TBC1D31: variants seen among roughly 807,000 people sequenced by gnomAD.
TBC1D31 encodes WD repeat domain 67.
In TBC1D31, 99 loss-of-function variants were observed where a neutral mutation model predicts 132.9. That is an observed-to-expected ratio of 0.74 (90% CI 0.63 to 0.88). The LOEUF (loss-of-function observed/expected upper bound fraction) is 0.88. Ranked by LOEUF, TBC1D31 falls within the 40% of genes least tolerant of loss-of-function variation. TBC1D31 has a pLI of 0.00. For synonymous variants in TBC1D31, 385 were observed against 419.4 expected, an observed-to-expected ratio of 0.92 and a Z score of 1.00; for missense variants, 1,134 against 1,256.6, an observed-to-expected ratio of 0.90 and a Z score of 1.48.
intron 17 of TBC1D31, among the ~76,000 whole-genome samples, chr8:123,139,438 A>C (rs1021595504): frequency 4.6e-5 from 7 of 152,152 alleles, no homozygotes; most frequent in Non-Finnish European, 7.4e-5. Flanking sequence ...ATAACCACTG[A>C]TGTCTCTACT....
chr8:123,090,660 C>T (rs1289856744), intron 4 of TBC1D31, among the ~76,000 whole-genome samples: 1 of 152,174 alleles, frequency 6.6e-6, no homozygotes, highest in Non-Finnish European at 1.5e-5. Context: ...GGGCTGGGCA[C>T]TGTGGCTCAC....
At chr8:123,087,210 C>G (rs1178005585) in intron 4 of TBC1D31, among the ~76,000 whole-genome samples, 1 of 152,150 alleles carries the variant, frequency 6.6e-6, no homozygotes, top group Non-Finnish European at 1.5e-5. Context: ...CAAGGAAGGC[C>G]GTCTCCTTAA....
intron 10 of TBC1D31, among the ~76,000 whole-genome samples, chr8:123,117,213 G>T (rs1274918174): frequency 1.3e-5 from 2 of 151,968 alleles, no homozygotes; most frequent in Non-Finnish European, 2.9e-5. Flanking sequence ...TACTTGGGAG[G>T]CTGAGGCAGG....
chr8:123,074,074 C>T (rs1292725535), intron 1 of TBC1D31, among the ~76,000 whole-genome samples: 1 of 146,596 alleles, frequency 6.8e-6, no homozygotes, highest in African/African-American at 2.5e-5. Context: ...CTCTGTTGCC[C>T]AGGGTCGGAT....
Position 123,139,285 on chromosome 8 carries a change from CATTA to C in TBC1D31, c.2500-1475_2500-1472del, listed in dbSNP as rs1821405139. 3.3e-5 allele frequency among the ~76,000 whole-genome samples: 5 copies of C among 152,204 alleles called. No homozygotes were observed. In the South Asian group the frequency reaches 1.0e-3, roughly 32 times the overall value. ...TAGACCCATCATAAAATCAAAAAAT[CATTA>C]CGTCAACTCAAAGACCGTCTGGAAT... On this transcript the variant is annotated intron_variant, in intron 17 of 21. Transcript: ENST00000287380.
chr8:123,161,864 A>G, the TBC1D31 span, among the ~76,000 whole-genome samples: 2 of 151,760 alleles, frequency 1.3e-5, no homozygotes, highest in Non-Finnish European at 2.9e-5. Context: ...TAAAAATACA[A>G]AAAATTAGCC....
At chr8:123,116,422 G>A (rs1048582130) in intron 10 of TBC1D31, among the ~76,000 whole-genome samples, 7 of 152,106 alleles carry the variant, frequency 4.6e-5, no homozygotes, top group African/African-American at 1.2e-4. Context: ...AGAGACGAGA[G>A]CCAGGTTTCT....
rs375186832 is a variant in TBC1D31, at chr8:123,144,438, T to C, written c.2836-279T>C. 2.6e-5 allele frequency among the ~76,000 whole-genome samples: 4 copies of C among 152,230 alleles called. No individual in the cohort carries two copies. In the South Asian group the frequency reaches 6.2e-4, roughly 24 times the overall value. Reference sequence around the variant, plus strand: ...CATAAGATTTGAGATTTGAAACTTATTGAAATGCATTATTATTTCAGCAAT... The same window carrying C: ...CATAAGATTTGAGATTTGAAACTTACTGAAATGCATTATTATTTCAGCAAT... On this transcript the variant is annotated intron_variant, in intron 19 of 21. Coordinates refer to ENST00000287380, the MANE Select transcript of TBC1D31 (RefSeq NM_145647.4).
chr8:123,108,696 A>T (rs879651588), intron 8 of TBC1D31, among the ~76,000 whole-genome samples: 2 of 152,154 alleles, frequency 1.3e-5, no homozygotes, highest in African/African-American at 2.4e-5. Context: ...GGCCTGTATT[A>T]GTCTGTTTTC....
In TBC1D31 at chr8:123,082,908, G is replaced by A. The variant is rs116501345; in HGVS notation, c.340+91G>A. 710 of 830,178 alleles carry A rather than the reference G, an allele frequency of 8.6e-4. 5 individuals carry two copies. In the African/African-American group the frequency reaches 0.011, roughly 13 times the overall value. The allele number at this position is 830,178 out of a possible 1,614,324, so 51.4% of individuals were successfully genotyped here. ...TTATCACTCTGTACAGCTTGAGGGGGCAGTCCCCATGACAGCCCTCCCTTC... is the reference window on the plus strand; with the variant it reads ...TTATCACTCTGTACAGCTTGAGGGGACAGTCCCCATGACAGCCCTCCCTTC... On this transcript the variant is annotated intron_variant, in intron 3 of 21. Transcript: ENST00000287380.
intron 11 of TBC1D31, among the ~76,000 whole-genome samples, chr8:123,125,392 G>A (rs753244645): frequency 1.4e-4 from 21 of 152,114 alleles, no homozygotes; most frequent in Non-Finnish European, 2.2e-4. Flanking sequence ...CACTGTTACC[G>A]ATTGGTTGGT....
intron 10 of TBC1D31, among the ~76,000 whole-genome samples, chr8:123,114,068 C>T (rs1247801778): frequency 6.6e-6 from 1 of 151,966 alleles, no homozygotes; most frequent in Non-Finnish European, 1.5e-5. Context: ...TCATCCCTCC[C>T]CCACTTTTTT....
intron 16 of TBC1D31, among the ~76,000 whole-genome samples, chr8:123,132,853 T>C (rs1046922554): frequency 6.6e-6 from 1 of 152,230 alleles, no homozygotes; most frequent in African/African-American, 2.4e-5. Flanking sequence ...GTGAATGACA[T>C]TGATATTTCA....
chr8:123,105,602 A>G, intron 8 of TBC1D31, 138 bp downstream of exon 8: 1 of 781,552 alleles, frequency 1.3e-6, no homozygotes, highest in Non-Finnish European at 1.9e-6. Flanking sequence ...TGTAACCTAA[A>G]TTATGCACAG....
At chr8:123,106,464 ATTAG>A (rs747855963) in intron 8 of TBC1D31, among the ~76,000 whole-genome samples, 5 of 152,214 alleles carry the variant, frequency 3.3e-5, no homozygotes, top group Non-Finnish European at 7.3e-5. Flanking sequence ...CTATTTTATT[ATTAG>A]TTATGATAAT....
chr8:123,094,569 C>T (rs370124431), intron 5 of TBC1D31, among the ~76,000 whole-genome samples: 1 of 151,420 alleles, frequency 6.6e-6, no homozygotes, highest in Non-Finnish European at 1.5e-5. Context: ...GACGAAGTCT[C>T]ATTCTTGTCC....
chr8:123,158,552 C>T, the TBC1D31 span, among the ~76,000 whole-genome samples: 4 of 151,754 alleles, frequency 2.6e-5, no homozygotes, highest in African/African-American at 9.7e-5. Context: ...GGTGGGTGTG[C>T]GGATATTCAC....
rs576175691 is a variant in TBC1D31, at chr8:123,078,612, G to T, written c.224+1355G>T. 1.8e-4 allele frequency among the ~76,000 whole-genome samples: 27 copies of T among 152,268 alleles called. No individual in the cohort carries two copies. In the South Asian group the frequency reaches 4.8e-3, roughly 27 times the overall value. ...TTGCAAAAATGGCCAATTTCAGAAT[G>T]CAGACAGGGAAAGTACAGGATGAGC... On this transcript the variant is annotated intron_variant, in intron 2 of 21. Transcript: ENST00000287380.
chr8:123,145,585 G>C (rs1199408488), intron 20 of TBC1D31, among the ~76,000 whole-genome samples: 2 of 151,966 alleles, frequency 1.3e-5, no homozygotes, highest in Non-Finnish European at 2.9e-5. Context: ...AAATACCCTG[G>C]AGGCTGAGGC....
Sources: gnomAD v4.1 joint callset for allele counts (sites outside exome capture counted in the v4.1 genomes callset) on GRCh38, gnomAD v4.1.1 for gene constraint, MANE v1.5 for transcripts, NCBI Gene and HGNC (gene_info 2026-07-23, HGNC 2026-07-21) for gene names.